Variants in FBXL7 observed in about 807,000 individuals in gnomAD.
FBXL7 encodes F-box and leucine rich repeat protein 7, also known as F-box/LRR-repeat protein 7.
FBXL7 carries 12 observed loss-of-function variants against 38.3 expected under a neutral mutation model. The observed-to-expected ratio is 0.31, with a 90% CI of 0.20 to 0.51. The LOEUF is 0.51. Among genes scored for constraint, FBXL7 ranks in the 20% least tolerant of loss-of-function variants. The pLI is 0.98. For synonymous variants in FBXL7, 297 were observed against 300.9 expected, an observed-to-expected ratio of 0.99 and a Z score of 0.13; for missense variants, 567 against 676.4, an observed-to-expected ratio of 0.84 and a Z score of 1.79.
At chr5:15,533,307 G>T (rs879243739) in intron 1 of FBXL7, among the ~76,000 whole-genome samples, 4 of 152,124 alleles carry the variant, frequency 2.6e-5, no homozygotes, top group African/African-American at 9.7e-5. Flanking sequence ...TGATTGACTC[G>T]TGGGGACAAA....
At chr5:15,824,803 C>T (rs960746248) in intron 2 of FBXL7, among the ~76,000 whole-genome samples, 5 of 152,126 alleles carry the variant, frequency 3.3e-5, no homozygotes, top group Admixed American at 6.5e-5. Context: ...GTTTCAGGGT[C>T]CTCTCAGTAG....
At chr5:15,626,144 A>C (rs1373822491) in intron 2 of FBXL7, among the ~76,000 whole-genome samples, 1 of 152,186 alleles carries the variant, frequency 6.6e-6, no homozygotes, top group Admixed American at 6.6e-5. Context: ...GCTTTGCAAG[A>C]CTTTAGCCTT....
chr5:15,728,682 T>A (rs182051168), intron 2 of FBXL7, among the ~76,000 whole-genome samples: 1 of 152,272 alleles, frequency 6.6e-6, no homozygotes, highest in Admixed American at 6.5e-5. Context: ...TAAGTGAGGA[T>A]CAAACCATGA....
intron 1 of FBXL7, among the ~76,000 whole-genome samples, chr5:15,522,292 C>T (rs1737118736): frequency 6.6e-6 from 1 of 152,178 alleles, no homozygotes; most frequent in African/African-American, 2.4e-5. Flanking sequence ...CCTGCCCCAC[C>T]ATCTTCTGTC....
intron 3 of FBXL7, among the ~76,000 whole-genome samples, chr5:15,930,604 A>G (rs1421428390): frequency 4.6e-5 from 7 of 152,170 alleles, no homozygotes; most frequent in Admixed American, 2.6e-4. Flanking sequence ...AACCATTATT[A>G]AGCCTTGATA....
chr5:15,754,583 A>G (rs932866224), intron 2 of FBXL7, among the ~76,000 whole-genome samples: 5 of 152,262 alleles, frequency 3.3e-5, no homozygotes. Context: ...CCGGGCAACC[A>G]ATAAATGCCA....
rs114250424 is a variant in FBXL7 at position 15,728,793 on chromosome 5, T to A, written c.127+112721T>A. Among the ~76,000 whole-genome samples, 1,045 of 152,300 alleles carry A rather than the reference T, an allele frequency of 6.9e-3. 8 individuals carry two copies. The highest frequency in any genetic ancestry group is 0.024 in the African/African-American group (994 of 41,580). ...TCCTTGAACTACTGATAATTACTTT[T>A]TCCTTCTTAGAGGTAAGTCAATTGA... On this transcript the variant is annotated intron_variant, in intron 2 of 3. Coordinates refer to ENST00000504595, the MANE Select transcript of FBXL7 (RefSeq NM_012304.5).
chr5:15,810,058 T>G (rs1324399823), intron 2 of FBXL7, among the ~76,000 whole-genome samples: 1 of 152,222 alleles, frequency 6.6e-6, no homozygotes, highest in Non-Finnish European at 1.5e-5. Context: ...TATTCATTTC[T>G]TTAAACTTTA....
chr5:15,622,568 T>G (rs1472691800), intron 2 of FBXL7, among the ~76,000 whole-genome samples: 3 of 152,182 alleles, frequency 2.0e-5, no homozygotes, highest in Non-Finnish European at 4.4e-5. Flanking sequence ...AGTTTGCTGA[T>G]AATGATGGTT....
At chr5:15,618,039 G>C (rs1740510639) in intron 2 of FBXL7, among the ~76,000 whole-genome samples, 2 of 152,074 alleles carry the variant, frequency 1.3e-5, no homozygotes, top group African/African-American at 2.4e-5. Context: ...GGTAGTGTGG[G>C]ACCTCATGCA....
rs373489522 is a variant in FBXL7, at chr5:15,857,252, A to G, written c.128-70638A>G. Among the ~76,000 whole-genome samples, 147 of 152,302 alleles carry G rather than the reference A, an allele frequency of 9.7e-4. 4 individuals are homozygous for G. The highest frequency in any genetic ancestry group is 3.4e-3 in the African/African-American group (143 of 41,564). On this transcript the variant is annotated intron_variant, in intron 2 of 3. Transcript: ENST00000504595. The stretch of plus-strand genomic sequence containing the variant: ...TGGGGTCAAGCCCAGCTGAATTATA[A>G]TATTAACTATGTAAAGTATAATAAT...
At chr5:15,613,998 G>A (rs1254995269) in intron 1 of FBXL7, among the ~76,000 whole-genome samples, 1 of 152,012 alleles carries the variant, frequency 6.6e-6, no homozygotes, top group Non-Finnish European at 1.5e-5. Flanking sequence ...TCTCATAAGG[G>A]CACTAAGCAG....
intron 2 of FBXL7, among the ~76,000 whole-genome samples, chr5:15,705,631 G>C (rs553291706): frequency 6.6e-6 from 1 of 152,192 alleles, no homozygotes; most frequent in Non-Finnish European, 1.5e-5. Context: ...TTCAAAATAG[G>C]AAAATAATAT....
chr5:15,777,720 T>TAAAAAAAAAAAAAAAAAAAAAAA (rs371293320), intron 2 of FBXL7, among the ~76,000 whole-genome samples: 17 of 82,520 alleles, frequency 2.1e-4, no homozygotes, highest in Non-Finnish European at 2.8e-4. Context: ...CCTATTCTGG[T>TAAAAAAAAAAAAAAAAAAAAAAA]AAAAAAAAAA....
chr5:15,715,743 C>A (rs754858856), intron 2 of FBXL7, among the ~76,000 whole-genome samples: 1 of 152,168 alleles, frequency 6.6e-6, no homozygotes, highest in South Asian at 2.1e-4. Flanking sequence ...AGTGCCTCAT[C>A]ATCATTTATT....
At chr5:15,760,242 C>A (rs1736404435) in intron 2 of FBXL7, among the ~76,000 whole-genome samples, 1 of 151,988 alleles carries the variant, frequency 6.6e-6, no homozygotes, top group African/African-American at 2.4e-5. Flanking sequence ...AAAGCATGCA[C>A]AAACCATAGC....
chr5:15,572,122 G>T lies in FBXL7; in HGVS notation c.38-43861G>T, dbSNP rs184462993. Among the ~76,000 whole-genome samples, 144 of 152,230 alleles carry T rather than the reference G, an allele frequency of 9.5e-4. 1 individual carries two copies. The South Asian group carries it at 0.023, about 25-fold the overall frequency. ...CAGGTTTTTGACTTTGGGTATCAGA[G>T]CTCCTGGGTCTATCCAAAAGCCATG... On this transcript the variant is annotated intron_variant, in intron 1 of 3. Transcript: ENST00000504595.
intron 1 of FBXL7, among the ~76,000 whole-genome samples, chr5:15,557,127 A>G (rs1738266596): frequency 6.6e-6 from 1 of 152,154 alleles, no homozygotes; most frequent in African/African-American, 2.4e-5. Context: ...TTTAGTAGAG[A>G]CGGGGTTTCA....
chr5:15,824,441 A>T (rs1028679778), intron 2 of FBXL7, among the ~76,000 whole-genome samples: 5 of 152,006 alleles, frequency 3.3e-5, no homozygotes, highest in African/African-American at 9.7e-5. Context: ...TGTGATGCCA[A>T]CGTTTTTGTT....
Sources: allele counts gnomAD v4.1 joint callset (sites outside exome capture counted in the v4.1 genomes callset), GRCh38; gene constraint gnomAD v4.1.1; transcripts MANE v1.5; gene names NCBI Gene and HGNC (gene_info 2026-07-23, HGNC 2026-07-21).